RBFOX1: variants seen among roughly 807,000 people sequenced by gnomAD.
RBFOX1 encodes RNA binding protein fox-1 homolog 1.
A neutral mutation model predicts 57.7 loss-of-function variants in RBFOX1; 8 were observed. That is an observed-to-expected ratio of 0.14 (90% confidence interval 0.08 to 0.25). The LOEUF (loss-of-function observed/expected upper bound fraction) is 0.25. RBFOX1 is among the 10% of genes least tolerant of loss of function. The pLI, the probability that RBFOX1 is intolerant of heterozygous loss-of-function variation, is 1.00. For missense variants in RBFOX1, 611 were observed against 548.5 expected, an observed-to-expected ratio of 1.11 and a Z score of -1.14; for synonymous variants, 326 against 222.4, an observed-to-expected ratio of 1.47 and a Z score of -4.15.
intron 3 of RBFOX1, among the ~76,000 whole-genome samples, chr16:6,788,127 C>T (rs1025561472): frequency 1.3e-5 from 2 of 152,108 alleles, no homozygotes; most frequent in Admixed American, 1.3e-4. Flanking sequence ...AAGGCTGAGG[C>T]AGGAGAACCG....
chr16:5,930,627 T>A (rs1252019509), intron 4 of RBFOX1, among the ~76,000 whole-genome samples: 2 of 91,182 alleles, frequency 2.2e-5, no homozygotes, highest in Admixed American at 1.5e-4. Flanking sequence ...GATGGATGCA[T>A]GGCTGGATGC....
chr16:6,074,693 G>C (rs2095875194), intron 1 of RBFOX1, among the ~76,000 whole-genome samples: 1 of 152,200 alleles, frequency 6.6e-6, no homozygotes, highest in Admixed American at 6.5e-5. Context: ...GGAGACAGCA[G>C]AGGTAAGGGA....
intron 3 of RBFOX1, among the ~76,000 whole-genome samples, chr16:6,677,438 A>G (rs2057924756): frequency 6.6e-6 from 1 of 152,194 alleles, no homozygotes; most frequent in Non-Finnish European, 1.5e-5. Flanking sequence ...CCATGGACTT[A>G]TTGCCCCTAA....
At chr16:6,905,709 TAGAA>T (rs2069700668) in intron 3 of RBFOX1, among the ~76,000 whole-genome samples, 2 of 152,136 alleles carry the variant, frequency 1.3e-5, no homozygotes, top group Admixed American at 6.5e-5. Context: ...TCATCCCTGT[TAGAA>T]AGAATTTCTC....
At chr16:6,995,810 G>A (rs888316589) in intron 3 of RBFOX1, among the ~76,000 whole-genome samples, 1 of 152,068 alleles carries the variant, frequency 6.6e-6, no homozygotes, top group East Asian at 1.9e-4. Flanking sequence ...TGAGGTAAAA[G>A]CTAGAGGTAC....
intron 1 of RBFOX1, among the ~76,000 whole-genome samples, chr16:6,310,234 G>A (rs1003546098): frequency 6.6e-6 from 1 of 152,080 alleles, no homozygotes; most frequent in Non-Finnish European, 1.5e-5. Context: ...TTGGAATAGC[G>A]GATACAATTG....
intron 4 of RBFOX1, among the ~76,000 whole-genome samples, chr16:7,337,115 A>G (rs911554792): frequency 2.6e-5 from 4 of 152,166 alleles, no homozygotes; most frequent in African/African-American, 9.7e-5. Flanking sequence ...CCCTTTGCCT[A>G]TGGAGAACCT....
chr16:5,745,294 A>G (rs970305106), intron 3 of RBFOX1, among the ~76,000 whole-genome samples: 2 of 152,226 alleles, frequency 1.3e-5, no homozygotes, highest in African/African-American at 4.8e-5. Flanking sequence ...ATGGCTGCAT[A>G]GTATCCCATG....
rs574302193 is a variant in RBFOX1, at chr16:7,643,820, T to G, written c.758-9995T>G. The stretch of plus-strand genomic sequence containing the variant: ...AGGAACAGGGCCTTTCCAGGTGTCT[T>G]GAAATCTCAGAACTTAAGTATCTAA... On this transcript the variant is annotated intron_variant, in intron 11 of 15. Coordinates refer to ENST00000550418, the MANE Select transcript of RBFOX1 (RefSeq NM_018723.4). 1.4e-3 allele frequency among the ~76,000 whole-genome samples: 214 copies of G among 152,230 alleles called. 1 individual carries two copies. The highest frequency in any genetic ancestry group is 5.0e-3 in the African/African-American group (207 of 41,528).
intron 9 of RBFOX1, among the ~76,000 whole-genome samples, chr16:7,602,129 T>A (rs1323909351): frequency 6.6e-6 from 1 of 152,232 alleles, no homozygotes; most frequent in African/African-American, 2.4e-5. Flanking sequence ...CCTGTGCTGA[T>A]GTTTTTTGTG....
chr16:7,162,895 A>G (rs1263912349), intron 4 of RBFOX1, among the ~76,000 whole-genome samples: 3 of 152,234 alleles, frequency 2.0e-5, no homozygotes, highest in Non-Finnish European at 2.9e-5. Context: ...CCTCCTTCCA[A>G]ATGCATGTTG....
chr16:6,000,545 G>T (rs1219622679), intron 4 of RBFOX1, among the ~76,000 whole-genome samples: 3 of 152,124 alleles, frequency 2.0e-5, no homozygotes, highest in Non-Finnish European at 4.4e-5. Context: ...AAAACTCTAT[G>T]TTTTCCTTTG....
At chr16:5,911,650 C>A (rs11866849) in intron 4 of RBFOX1, among the ~76,000 whole-genome samples, 1 of 152,132 alleles carries the variant, frequency 6.6e-6, no homozygotes, top group Admixed American at 6.5e-5. Flanking sequence ...ATGAACAGGG[C>A]CACTTCTAAA....
chr16:6,236,296 C>T lies in RBFOX1; in HGVS notation c.-126-80699C>T, dbSNP rs955252202. ...GGAAAACTACTGCATCTCACTTTGT[C>T]CTGGTCCCATTTGTGAAACAGGACT... On this transcript the variant is annotated intron_variant, in intron 1 of 15. Coordinates refer to ENST00000550418, the MANE Select transcript of RBFOX1 (RefSeq NM_018723.4). 8.5e-5 allele frequency among the ~76,000 whole-genome samples: 13 copies of T among 152,144 alleles called. 1 individual carries two copies. Among genetic ancestry groups the T allele is most frequent in the Non-Finnish European group, 1.5e-4 (10 of 68,026 alleles).
At chr16:7,291,809 C>T (rs930202236) in intron 4 of RBFOX1, among the ~76,000 whole-genome samples, 1 of 150,876 alleles carries the variant, frequency 6.6e-6, no homozygotes, top group African/African-American at 2.4e-5. Flanking sequence ...GATGCAATGG[C>T]TTTCAATCAT....
At chr16:5,928,759 T>C (rs954506717) in intron 4 of RBFOX1, among the ~76,000 whole-genome samples, 1 of 151,998 alleles carries the variant, frequency 6.6e-6, no homozygotes, top group Non-Finnish European at 1.5e-5. Flanking sequence ...ATCCTGGTAT[T>C]GTGGGCCACC....
intron 5 of RBFOX1, among the ~76,000 whole-genome samples, chr16:7,528,344 T>C (rs1037170962): frequency 6.6e-6 from 1 of 152,242 alleles, no homozygotes; most frequent in Non-Finnish European, 1.5e-5. Context: ...TCTTTATTTT[T>C]GGTTAGGTCC....
intron 3 of RBFOX1, among the ~76,000 whole-genome samples, chr16:6,730,755 G>A (rs1189438464): frequency 6.6e-6 from 1 of 152,194 alleles, no homozygotes; most frequent in East Asian, 1.9e-4. Context: ...ATTATTTAGT[G>A]GGTTAGGAAT....
At chr16:5,892,435 A>G (rs1313778210) in intron 4 of RBFOX1, among the ~76,000 whole-genome samples, 2 of 152,064 alleles carry the variant, frequency 1.3e-5, no homozygotes, top group African/African-American at 2.4e-5. Context: ...TCATCTCTAG[A>G]CTAGGGGTAA....
Sources: allele counts gnomAD v4.1 joint callset (sites outside exome capture counted in the v4.1 genomes callset), GRCh38; gene constraint gnomAD v4.1.1; transcripts MANE v1.5; gene names NCBI Gene and HGNC (gene_info 2026-07-23, HGNC 2026-07-21).